Variants in LIPA observed in about 807,000 individuals in gnomAD.
The protein encoded by LIPA is lipase A, lysosomal acid type.
LIPA carries 26 observed loss-of-function variants against 40.6 expected under a neutral mutation model. The ratio of observed to expected loss-of-function variants is 0.64; its 90% CI spans 0.47 to 0.89. LIPA has a LOEUF of 0.89. LIPA is among the 40% of genes least tolerant of loss of function. LIPA has a pLI of 0.00. For synonymous variants in LIPA, 188 were observed against 168.4 expected, an observed-to-expected ratio of 1.12 and a Z score of -0.90; for missense variants, 455 against 479.6, an observed-to-expected ratio of 0.95 and a Z score of 0.48.
chr10:89,215,371 A>G (rs1036078572), intron 9 of LIPA, among the ~76,000 whole-genome samples: 1 of 152,222 alleles, frequency 6.6e-6, no homozygotes, highest in Non-Finnish European at 1.5e-5. Context: ...ACTCAAGGCA[A>G]TAGTGGCTGG....
upstream of LIPA, among the ~76,000 whole-genome samples, chr10:89,255,069 C>G (rs111801158): frequency 1.3e-3 from 203 of 152,310 alleles, 1 homozygote; most frequent in African/African-American, 4.8e-3. Flanking sequence ...CCAAACTGTT[C>G]CAACCTCTGC....
At chr10:89,263,510 T>C (rs1843220725) in intron 1 of LIPA, among the ~76,000 whole-genome samples, 4 of 152,204 alleles carry the variant, frequency 2.6e-5, no homozygotes, top group Admixed American at 2.6e-4. Context: ...TCTCCTGTCC[T>C]CTAACCCTAC....
intron 2 of LIPA, among the ~76,000 whole-genome samples, chr10:89,358,828 A>G (rs1844003546): frequency 6.6e-6 from 1 of 152,214 alleles, no homozygotes; most frequent in African/African-American, 2.4e-5. Flanking sequence ...CAAAAATGTC[A>G]TTAAATAGAA....
chr10:89,235,629 T>C (rs1365702043), intron 3 of LIPA, among the ~76,000 whole-genome samples: 1 of 152,242 alleles, frequency 6.6e-6, no homozygotes, highest in African/African-American at 2.4e-5. Flanking sequence ...GGCACTGGCC[T>C]TCTCTGCCAG....
At chr10:89,286,296 C>T (rs1420080339) in intron 1 of LIPA, among the ~76,000 whole-genome samples, 1 of 152,078 alleles carries the variant, frequency 6.6e-6, no homozygotes, top group East Asian at 1.9e-4. Context: ...TTCCAATCTT[C>T]CTTTTCTACG....
chr10:89,297,249 G>T (rs1360391553), intron 1 of LIPA, among the ~76,000 whole-genome samples: 2 of 152,150 alleles, frequency 1.3e-5, no homozygotes, highest in Non-Finnish European at 2.9e-5. Flanking sequence ...TCTGAAACAT[G>T]AGAGAGTTTC....
intron 7 of LIPA, 25 bp downstream of exon 7, chr10:89,223,652 AAAAAATC>A (rs1842728861): frequency 6.4e-7 from 1 of 1,566,962 alleles, no homozygotes; most frequent in African/African-American, 1.4e-5. Flanking sequence ...CAGATAAAAA[AAAAAATC>A]AAATCTTACT....
At chr10:89,346,813 G>A (rs564228454), upstream of LIPA, among the ~76,000 whole-genome samples, 2 of 152,294 alleles carry the variant, frequency 1.3e-5, no homozygotes, top group East Asian at 3.9e-4. Flanking sequence ...CCAGCCATGC[G>A]CATGATGGCT....
chr10:89,378,249 A>T, intron 2 of LIPA: 1 of 1,123,224 alleles, frequency 8.9e-7, no homozygotes, highest in Middle Eastern at 2.0e-4. Context: ...GAGCTGTCCC[A>T]CTGGTGGTTC....
At chr10:89,225,337 C>A in intron 5 of LIPA, 109 bp from the exon 6 acceptor site, 6 of 1,321,862 alleles carry the variant, frequency 4.5e-6, no homozygotes, top group Non-Finnish European at 5.4e-6. Flanking sequence ...CTGAGACCCA[C>A]GCAAACAATA....
At chr10:89,365,060 G>C (rs565117929) in intron 2 of LIPA, among the ~76,000 whole-genome samples, 1 of 152,178 alleles carries the variant, frequency 6.6e-6, no homozygotes, top group Non-Finnish European at 1.5e-5. Flanking sequence ...AAATTTCACA[G>C]ATATTTAAGG....
At chr10:89,327,710 G>T (rs973977764) in intron 1 of LIPA, among the ~76,000 whole-genome samples, 1 of 152,208 alleles carries the variant, frequency 6.6e-6, no homozygotes, top group Non-Finnish European at 1.5e-5. Context: ...TCACATGGTT[G>T]GTGAGTATGG....
chr10:89,293,922 A>G (rs958870174), intron 1 of LIPA, among the ~76,000 whole-genome samples: 8 of 152,230 alleles, frequency 5.3e-5, no homozygotes, highest in Admixed American at 5.2e-4. Flanking sequence ...AATTCAGTCC[A>G]AAGCAGTTGT....
chr10:89,296,877 A>G (rs1224158784), intron 1 of LIPA, among the ~76,000 whole-genome samples: 1 of 152,156 alleles, frequency 6.6e-6, no homozygotes, highest in Non-Finnish European at 1.5e-5. Context: ...TTCTATCATT[A>G]CAAAACACTA....
chr10:89,269,903 G>T (rs1001082980), intron 1 of LIPA, among the ~76,000 whole-genome samples: 4 of 152,200 alleles, frequency 2.6e-5, no homozygotes, highest in Non-Finnish European at 5.9e-5. Flanking sequence ...AAGGTCTTCA[G>T]TTGTGGGTAT....
chr10:89,265,041 G>C (rs1416001956), intron 1 of LIPA, among the ~76,000 whole-genome samples: 3 of 152,216 alleles, frequency 2.0e-5, no homozygotes, highest in Non-Finnish European at 4.4e-5. Context: ...GCAGCAGGGG[G>C]CTGGCATGTT....
intron 1 of LIPA, among the ~76,000 whole-genome samples, chr10:89,303,524 G>T (rs999667960): frequency 3.3e-5 from 5 of 152,198 alleles, no homozygotes; most frequent in African/African-American, 1.2e-4. Flanking sequence ...CAGAGCCCAG[G>T]AAGCAAGTGT....
chr10:89,287,611 C>T (rs1246992655), intron 1 of LIPA, among the ~76,000 whole-genome samples: 4 of 152,142 alleles, frequency 2.6e-5, no homozygotes, highest in African/African-American at 9.7e-5. Context: ...TCTACTCCCT[C>T]CTTGGTGACC....
chr10:89,237,809 A>G (rs1842923884), intron 3 of LIPA, among the ~76,000 whole-genome samples: 1 of 152,244 alleles, frequency 6.6e-6, no homozygotes, highest in African/African-American at 2.4e-5. Context: ...CTGGCCACCC[A>G]GAACCCCATG....
Sources: allele counts gnomAD v4.1 joint callset (sites outside exome capture counted in the v4.1 genomes callset), GRCh38; gene constraint gnomAD v4.1.1; transcripts MANE v1.5; gene names NCBI Gene and HGNC (gene_info 2026-07-23, HGNC 2026-07-21).